SORCS3: variants seen among roughly 807,000 people sequenced by gnomAD.
The protein encoded by SORCS3 is VPS10 domain-containing receptor SorCS3.
Under a neutral mutation model 146.3 loss-of-function variants are expected in SORCS3, and 57 were observed. That is an observed-to-expected ratio of 0.39 (90% CI 0.31 to 0.49). The LOEUF (loss-of-function observed/expected upper bound fraction) is 0.49, where lower values mean the gene tolerates loss of function less well. Ranked by LOEUF, SORCS3 falls within the 20% of genes least tolerant of loss-of-function variation. The pLI is 0.92. For missense variants in SORCS3, 1,341 were observed against 1,575.5 expected (o/e 0.85, Z 2.52); for synonymous variants, 653 against 618.5 (o/e 1.06, Z -0.83).
At chr10:105,107,506 G>T (rs1180535985) in intron 7 of SORCS3, among the ~76,000 whole-genome samples, 1 of 152,056 alleles carries the variant, frequency 6.6e-6, no homozygotes, top group Non-Finnish European at 1.5e-5. Flanking sequence ...CAGATACACA[G>T]ATTTTTTTAA....
chr10:105,110,361 G>A lies in SORCS3; in HGVS notation c.1212+4846G>A, dbSNP rs190716162. Among the ~76,000 whole-genome samples the A allele has an allele frequency of 6.6e-5, 10 of 151,908 alleles. No homozygotes were observed. In the East Asian group the frequency reaches 1.4e-3, roughly 21 times the overall value. On this transcript the variant is annotated intron_variant, in intron 7 of 26. Transcript: ENST00000369701. ...TGCAATTTTTATTTGCTCTATGGAA[G>A]CATATTTTATTCCATATCTGTTATT...
intron 2 of SORCS3, among the ~76,000 whole-genome samples, chr10:104,886,155 T>C (rs1378327608): frequency 6.6e-6 from 1 of 152,178 alleles, no homozygotes; most frequent in Non-Finnish European, 1.5e-5. Flanking sequence ...TAATACTTTT[T>C]TTCTAGTAAG....
At chr10:105,048,901 A>G (rs575585300) in intron 5 of SORCS3, among the ~76,000 whole-genome samples, 5 of 152,226 alleles carry the variant, frequency 3.3e-5, no homozygotes, top group South Asian at 2.1e-4. Flanking sequence ...GTGTCATTAT[A>G]AAATCTTTAT....
At chr10:105,125,054 T>C (rs2055963550) in intron 7 of SORCS3, among the ~76,000 whole-genome samples, 1 of 152,214 alleles carries the variant, frequency 6.6e-6, no homozygotes, top group Non-Finnish European at 1.5e-5. Context: ...TCTTAGGTGT[T>C]CTTTGTCTAC....
At chr10:105,205,414 T>C (rs1364871007) in intron 16 of SORCS3, among the ~76,000 whole-genome samples, 8 of 152,184 alleles carry the variant, frequency 5.3e-5, no homozygotes, top group African/African-American at 1.9e-4. Flanking sequence ...TAAAGATTGA[T>C]GTTTCAGCAT....
chr10:104,728,638 C>T (rs1017314897), intron 1 of SORCS3, among the ~76,000 whole-genome samples: 1 of 152,088 alleles, frequency 6.6e-6, no homozygotes, highest in Admixed American at 6.6e-5. Flanking sequence ...GGCTCAAGGC[C>T]GTTTACACTT....
chr10:105,066,586 G>A (rs2133722530), intron 5 of SORCS3, among the ~76,000 whole-genome samples: 1 of 152,208 alleles, frequency 6.6e-6, no homozygotes, highest in East Asian at 1.9e-4. Context: ...TGCCATGTGT[G>A]TGTTAGGCAC....
chr10:104,678,922 C>G (rs926854703), intron 1 of SORCS3, among the ~76,000 whole-genome samples: 1 of 152,142 alleles, frequency 6.6e-6, no homozygotes, highest in Non-Finnish European at 1.5e-5. Flanking sequence ...TACTGGCACC[C>G]TATTGTAAAA....
chr10:104,685,687 C>T lies in SORCS3; in HGVS notation c.627+43733C>T, dbSNP rs111790405. On this transcript the variant is annotated intron_variant, in intron 1 of 26. Transcript: ENST00000369701. ...TTACATATGCTTGGAAATAAGGCCC[C>T]GTTCTGTATAGTGATTTCCAGTAGG... Among the ~76,000 whole-genome samples, 1,145 of 152,270 alleles carry T rather than the reference C, an allele frequency of 7.5e-3. 3 individuals are homozygous for T. The highest frequency in any genetic ancestry group is 0.012 in the Non-Finnish European group (802 of 68,042).
chr10:105,234,730 T>C (rs1244710040), intron 20 of SORCS3, among the ~76,000 whole-genome samples: 1 of 152,060 alleles, frequency 6.6e-6, no homozygotes, highest in Admixed American at 6.6e-5. Context: ...TTCTTAGAAT[T>C]TTCAACTTTC....
chr10:104,671,083 G>A (rs570644777), intron 1 of SORCS3, among the ~76,000 whole-genome samples: 15 of 149,748 alleles, frequency 1.0e-4, no homozygotes, highest in South Asian at 2.1e-4. Flanking sequence ...ACATCATATC[G>A]TCTGTAAACA....
At chr10:105,001,385 T>C (rs185725978) in intron 4 of SORCS3, among the ~76,000 whole-genome samples, 3 of 152,342 alleles carry the variant, frequency 2.0e-5, no homozygotes, top group Non-Finnish European at 2.9e-5. Flanking sequence ...GAGAAAATTA[T>C]TGGATTTGGC....
chr10:104,685,306 A>G lies in SORCS3; in HGVS notation c.627+43352A>G, dbSNP rs17117550. On this transcript the variant is annotated intron_variant, in intron 1 of 26. Transcript: ENST00000369701. Reference sequence around the variant, plus strand: ...CTGCTCTGTGTCCAAGAATGAGCTCACTGGTCACCCTGGGTTGCTTCTAAC... The same window carrying G: ...CTGCTCTGTGTCCAAGAATGAGCTCGCTGGTCACCCTGGGTTGCTTCTAAC... Among the ~76,000 whole-genome samples, 755 of 152,198 alleles carry G rather than the reference A, an allele frequency of 5.0e-3. 7 individuals are homozygous for G. The highest frequency in any genetic ancestry group is 0.018 in the African/African-American group (730 of 41,538).
At chr10:105,148,493 G>A (rs1230986867) in intron 9 of SORCS3, among the ~76,000 whole-genome samples, 3 of 152,098 alleles carry the variant, frequency 2.0e-5, no homozygotes, top group African/African-American at 7.2e-5. Context: ...GTGACAGTAT[G>A]TGACCTTTGA....
At chr10:105,130,235 G>C (rs943663823) in intron 7 of SORCS3, among the ~76,000 whole-genome samples, 4 of 152,134 alleles carry the variant, frequency 2.6e-5, no homozygotes, top group Admixed American at 2.6e-4. Flanking sequence ...AGTGGTATGA[G>C]CGGGATTTAA....
chr10:105,192,528 GT>G (rs2056522515), intron 14 of SORCS3, among the ~76,000 whole-genome samples: 1 of 152,154 alleles, frequency 6.6e-6, no homozygotes, highest in African/African-American at 2.4e-5. Flanking sequence ...AAATGGGACA[GT>G]TGGTGGTTAG....
At chr10:104,769,260 C>G (rs2133482476) in intron 1 of SORCS3, among the ~76,000 whole-genome samples, 1 of 152,322 alleles carries the variant, frequency 6.6e-6, no homozygotes, top group South Asian at 2.1e-4. Context: ...CATGTTAGGT[C>G]CCTACCAGCC....
At chr10:105,253,567 A>ATGCC (rs2056913246) in intron 23 of SORCS3, among the ~76,000 whole-genome samples, 1 of 152,190 alleles carries the variant, frequency 6.6e-6, no homozygotes, top group East Asian at 1.9e-4. Flanking sequence ...TGAGGTCTTA[A>ATGCC]TGCCTGCACT....
intron 2 of SORCS3, among the ~76,000 whole-genome samples, chr10:104,875,010 A>G (rs969679375): frequency 1.3e-5 from 2 of 152,140 alleles, no homozygotes; most frequent in Admixed American, 6.6e-5. Flanking sequence ...TTACACTCCT[A>G]CATTCACTGA....
Sources: allele counts gnomAD v4.1 joint callset (sites outside exome capture counted in the v4.1 genomes callset), GRCh38; gene constraint gnomAD v4.1.1; transcripts MANE v1.5; gene names NCBI Gene and HGNC (gene_info 2026-07-23, HGNC 2026-07-21).